ZNF641: variants seen among roughly 807,000 people sequenced by gnomAD.
ZNF641 encodes the protein zinc finger protein 641.
Under a neutral mutation model 46.2 loss-of-function variants are expected in ZNF641, and 26 were observed. The ratio of observed to expected loss-of-function variants is 0.56; its 90% CI spans 0.41 to 0.78. The LOEUF (loss-of-function observed/expected upper bound fraction) is 0.78, where lower values mean the gene tolerates loss of function less well. Among genes scored for constraint, ZNF641 ranks in the 30% least tolerant of loss-of-function variants. The probability of loss-of-function intolerance (pLI) is 0.00; values close to 1 mark genes in which losing one functional copy is unlikely to be tolerated. For synonymous variants in ZNF641, 163 were observed against 187.9 expected (o/e 0.87, Z 1.09); for missense variants, 469 against 517.8 (o/e 0.91, Z 0.91).
downstream of ZNF641, among the ~76,000 whole-genome samples, chr12:48,335,174 A>G (rs1186134346): frequency 6.6e-6 from 1 of 152,184 alleles, no homozygotes; most frequent in Non-Finnish European, 1.5e-5. Context: ...AAAAACCCAG[A>G]ACTCAGCCTC....
intron 4 of ZNF641, among the ~76,000 whole-genome samples, 191 bp downstream of exon 4, chr12:48,345,154 C>CT (rs549990630): frequency 0.014 from 2,083 of 145,232 alleles, 17 homozygotes; most frequent in East Asian, 0.027. Flanking sequence ...TGCTTTTTTA[C>CT]TTTTTTTTTT....
At chr12:48,335,100 C>A (rs530647420), downstream of ZNF641, among the ~76,000 whole-genome samples, 147 of 152,346 alleles carry the variant, frequency 9.6e-4, no homozygotes, top group African/African-American at 3.2e-3. Flanking sequence ...TGGTGCAACA[C>A]CCCTGGGGGA....
chr12:48,348,589 G>T (rs1050732002), intron 1 of ZNF641, among the ~76,000 whole-genome samples: 1 of 152,188 alleles, frequency 6.6e-6, no homozygotes, highest in African/African-American at 2.4e-5. Context: ...AGAATGAAAT[G>T]ATTACTATAG....
At chr12:48,337,098 C>T (rs1312016224), downstream of ZNF641, 3 of 152,228 alleles carry the variant, frequency 2.0e-5, no homozygotes, top group Non-Finnish European at 4.4e-5. Context: ...CTTATCTTCT[C>T]CCGTTCTGTG....
chr12:48,340,077 TTTG>T lies in ZNF641; in HGVS notation c.*2893_*2895del. On this transcript the variant is annotated 3_prime_UTR_variant, in exon 6 of 6. Transcript: ENST00000547026. Reference sequence around the variant, plus strand: ...AAGGGGACGGGGTGAAACATGAACATTTGAGGCTGATTCCCTGTGGGAAAAATC... The same window carrying T: ...AAGGGGACGGGGTGAAACATGAACATAGGCTGATTCCCTGTGGGAAAAATC... 1.0e-6 allele frequency: 1 copy of T among 984,804 alleles called. No individual in the cohort carries two copies. The highest frequency in any genetic ancestry group is 1.2e-6 in the Non-Finnish European group (1 of 829,826). 61.0% of individuals were successfully genotyped at this position (984,804 alleles called of 1,614,324 possible).
At chr12:48,336,026 T>C (rs902900969), downstream of ZNF641, among the ~76,000 whole-genome samples, 12 of 152,218 alleles carry the variant, frequency 7.9e-5, no homozygotes, top group Admixed American at 4.6e-4. Context: ...CAATGGTTGT[T>C]TGAAAAACAC....
At chr12:48,350,010 G>A (rs755604542) in intron 1 of ZNF641, 1 of 1,613,862 alleles carries the variant, frequency 6.2e-7, no homozygotes, top group Non-Finnish European at 8.5e-7. Flanking sequence ...CCGTGGAAGT[G>A]CTAGCAAAAA....
rs1004625100 is a variant in ZNF641, at chr12:48,341,040, G to A, written c.*1933C>T. On this transcript the variant is annotated 3_prime_UTR_variant, in exon 6 of 6. Coordinates refer to ENST00000547026, the MANE Select transcript of ZNF641 (RefSeq NM_001172681.2). ...AGGAAGGCTGCTCACAGTAGCAGAAGGGAGGCAGGGGCCAAGCTGTTCAAG... is the reference window on the plus strand; with the variant it reads ...AGGAAGGCTGCTCACAGTAGCAGAAAGGAGGCAGGGGCCAAGCTGTTCAAG... 1.5e-5 allele frequency: 15 copies of A among 985,530 alleles called. No homozygotes were observed. In the South Asian group the frequency reaches 5.2e-4, roughly 34 times the overall value. The allele number at this position is 985,530 out of a possible 1,614,324, so 61.0% of individuals were successfully genotyped here. A position where few individuals can be genotyped will look rare whatever the true frequency, so the allele number is the denominator to read the frequency against.
In ZNF641 at chr12:48,339,916, T is replaced by C. The variant is rs1952680630; in HGVS notation, c.*3057A>G. 3 of 984,322 alleles carry C rather than the reference T, an allele frequency of 3.0e-6. No individual in the cohort carries two copies. The highest frequency in any genetic ancestry group is 1.7e-5 in the African/African-American group (1 of 57,220). 61.0% of individuals were successfully genotyped at this position (984,322 alleles called of 1,614,324 possible). ...CCTATGCAAGGGATTCTTTGAAAGA[T>C]ACTATGTTGGGGTGGAAAGGGGAGG... On this transcript the variant is annotated 3_prime_UTR_variant, in exon 6 of 6. Coordinates refer to ENST00000547026, the MANE Select transcript of ZNF641 (RefSeq NM_001172681.2).
Position 48,341,553 on chromosome 12 carries a change from C to T in ZNF641, c.*1420G>A, listed in dbSNP as rs1952717372. 1.0e-6 allele frequency: 1 copy of T among 985,466 alleles called. No homozygotes were observed. Among genetic ancestry groups the T allele is most frequent in the Non-Finnish European group, 1.2e-6 (1 of 829,946 alleles). 61.0% of individuals were successfully genotyped at this position (985,466 alleles called of 1,614,324 possible). A position where few individuals can be genotyped will look rare whatever the true frequency, so the allele number is the denominator to read the frequency against. On this transcript the variant is annotated 3_prime_UTR_variant, in exon 6 of 6. Coordinates refer to ENST00000547026, the MANE Select transcript of ZNF641 (RefSeq NM_001172681.2). ...AAAAGCTAAGCCACAGCCATTTTCC[C>T]TAAAGTTCTGTTTCTGGGAGAATGA...
chr12:48,339,817 T>G lies in ZNF641; in HGVS notation c.*3156A>C, dbSNP rs1428465132. ...CATTACTTTGACAAGGGAAAAGTTT[T>G]TCCTTCCACAATTAGAACTAAGGCG... is the stretch of plus-strand genomic sequence containing the variant. On this transcript the variant is annotated 3_prime_UTR_variant, in exon 6 of 6. Coordinates refer to ENST00000547026, the MANE Select transcript of ZNF641 (RefSeq NM_001172681.2). 8 of 635,458 alleles carry G rather than the reference T, an allele frequency of 1.3e-5. No individual in the cohort carries two copies. The highest frequency in any genetic ancestry group is 1.6e-5 in the Non-Finnish European group (8 of 510,064). 39.4% of individuals were successfully genotyped at this position (635,458 alleles called of 1,614,324 possible). A position where few individuals can be genotyped will look rare whatever the true frequency, so the allele number is the denominator to read the frequency against.
chr12:48,341,181 CTAAACTAAA>C lies in ZNF641; in HGVS notation c.*1783_*1791del. 1.0e-6 allele frequency: 1 copy of C among 985,452 alleles called. No homozygotes were observed. Among genetic ancestry groups the C allele is most frequent in the Non-Finnish European group, 1.2e-6 (1 of 829,934 alleles). The allele number at this position is 985,452 out of a possible 1,614,324, so 61.0% of individuals were successfully genotyped here. On this transcript the variant is annotated 3_prime_UTR_variant, in exon 6 of 6. Transcript: ENST00000547026. ...GTTTTTCCTGCAAAAGGCACAGTCGCTAAACTAAATTGGTGCAATTCACTTCCTCTTGCC... is the reference window on the plus strand; with the variant it reads ...GTTTTTCCTGCAAAAGGCACAGTCGCTTGGTGCAATTCACTTCCTCTTGCC...
rs1338960363 is a variant in ZNF641, at chr12:48,337,553, G to T, written c.*5420C>A. Reference sequence around the variant, plus strand: ...TTGAGAGTTTGGGCTGGGCGCGGTGGCTCAGGCCTGTAATCCCAGCACTTT... The same window carrying T: ...TTGAGAGTTTGGGCTGGGCGCGGTGTCTCAGGCCTGTAATCCCAGCACTTT... On this transcript the variant is annotated 3_prime_UTR_variant, in exon 6 of 6. Transcript: ENST00000547026. The T allele has an allele frequency of 6.6e-6, 1 of 152,144 alleles. No individual in the cohort carries two copies. Among genetic ancestry groups the T allele is most frequent in the African/African-American group, 2.4e-5 (1 of 41,388 alleles). 9.4% of individuals were successfully genotyped at this position (152,144 alleles called of 1,614,324 possible).
chr12:48,347,891 C>A lies in ZNF641; in HGVS notation c.184+16G>T. On this transcript the variant is annotated intron_variant, in intron 2 of 5. Transcript: ENST00000547026. Reference sequence around the variant, plus strand: ...GACTATGCACTGTGCTTCCCACACACTCTGTGAGTTCTCACCCTTCTCCTG... The same window carrying A: ...GACTATGCACTGTGCTTCCCACACAATCTGTGAGTTCTCACCCTTCTCCTG... The A allele has an allele frequency of 1.2e-6, 2 of 1,613,078 alleles. No individual in the cohort carries two copies. Among genetic ancestry groups the A allele is most frequent in the Non-Finnish European group, 1.7e-6 (2 of 1,179,118 alleles).
Position 48,340,948 on chromosome 12 carries a change from C to G in ZNF641, c.*2025G>C, listed in dbSNP as rs3185921. Reference sequence around the variant, plus strand: ...AGGGCAAGACCTGCCTTACAAAGACCAGCCATTTTGCCTTATTCATAGGAT... The same window carrying G: ...AGGGCAAGACCTGCCTTACAAAGACGAGCCATTTTGCCTTATTCATAGGAT... On this transcript the variant is annotated 3_prime_UTR_variant, in exon 6 of 6. Transcript: ENST00000547026. 2.0e-6 allele frequency: 2 copies of G among 985,220 alleles called. No individual in the cohort carries two copies. The highest frequency in any genetic ancestry group is 2.4e-6 in the Non-Finnish European group (2 of 829,908). 61.0% of individuals were successfully genotyped at this position (985,220 alleles called of 1,614,324 possible). A position where few individuals can be genotyped will look rare whatever the true frequency, so the allele number is the denominator to read the frequency against.
At chr12:48,347,437 C>T in intron 2 of ZNF641, 94 bp from the exon 3 acceptor site, 1 of 1,020,938 alleles carries the variant, frequency 9.8e-7, no homozygotes, top group Non-Finnish European at 1.4e-6. Context: ...AGGGTCACAA[C>T]TTCTGTATCT....
intron 3 of ZNF641, among the ~76,000 whole-genome samples, chr12:48,346,516 T>G (rs1952876387): frequency 6.6e-6 from 1 of 152,166 alleles, no homozygotes; most frequent in Admixed American, 6.5e-5. Context: ...TAATTTCCTT[T>G]CTAGCTCTGC....
chr12:48,344,809 A>C (rs1952821588), intron 4 of ZNF641, 97 bp from the exon 5 acceptor site: 1 of 730,724 alleles, frequency 1.4e-6, no homozygotes, highest in African/African-American at 1.8e-5. Context: ...TATTGTTTGG[A>C]ACTCTAGACA....
In ZNF641 at chr12:48,339,688, C is replaced by T. The variant is rs1351297465; in HGVS notation, c.*3285G>A. 1.3e-5 allele frequency: 2 copies of T among 154,886 alleles called. No homozygotes were observed. The highest frequency in any genetic ancestry group is 1.3e-4 in the Admixed American group (2 of 15,278). The allele number at this position is 154,886 out of a possible 1,614,324, so 9.6% of individuals were successfully genotyped here. On this transcript the variant is annotated 3_prime_UTR_variant, in exon 6 of 6. Transcript: ENST00000547026. ...TGGCCTTTGTAGGTCTGAGTCAGGA[C>T]CTGCCCTTGATGGAAATAGGAAACA...
Sources: gnomAD v4.1 joint callset for allele counts (sites outside exome capture counted in the v4.1 genomes callset) on GRCh38, gnomAD v4.1.1 for gene constraint, MANE v1.5 for transcripts, NCBI Gene and HGNC (gene_info 2026-07-23, HGNC 2026-07-21) for gene names.